Variants in STS observed in about 807,000 individuals in gnomAD.
STS encodes steroid sulfatase.
In STS, 7 loss-of-function variants were observed where a neutral mutation model predicts 26.8. That is an observed-to-expected ratio of 0.26 (90% CI 0.15 to 0.49). The LOEUF (loss-of-function observed/expected upper bound fraction) is 0.49, where lower values mean the gene tolerates loss of function less well. STS is among the 20% of genes least tolerant of loss of function. The pLI is 0.98. For missense variants in STS, 434 were observed against 465.6 expected, an observed-to-expected ratio of 0.93 and a Z score of 0.63; for synonymous variants, 199 against 189.4, an observed-to-expected ratio of 1.05 and a Z score of -0.42.
intron 2 of STS, among the ~76,000 whole-genome samples, chrX:7,207,385 A>G (rs1920958192): frequency 8.9e-6 from 1 of 112,143 alleles, no homozygotes; most frequent in African/African-American, 3.2e-5. Flanking sequence ...GATATGTGCA[A>G]GTTACAGGGA....
At chrX:7,306,716 G>A (rs1168337687) in intron 8 of STS, among the ~76,000 whole-genome samples, 1 of 111,862 alleles carries the variant, frequency 8.9e-6, no homozygotes, top group African/African-American at 3.3e-5. Flanking sequence ...AGGAATGTTT[G>A]CAAAGGAGAC....
At chrX:7,256,011 G>T (rs1027268855) in intron 3 of STS, among the ~76,000 whole-genome samples, 7 of 111,723 alleles carry the variant, frequency 6.3e-5, no homozygotes, top group Admixed American at 1.9e-4. Flanking sequence ...CAGTGAAGAA[G>T]CTGCTTGTCT....
chrX:7,147,986 C>A lies in STS; in HGVS notation c.-231C>A. 1.1e-6 allele frequency: 1 copy of A among 885,257 alleles called. No homozygotes were observed. The highest frequency in any genetic ancestry group is 4.1e-5 in the East Asian group (1 of 24,686). The allele number at this position is 885,257 out of a possible 1,213,427, so 73.0% of individuals were successfully genotyped here. A position where few individuals can be genotyped will look rare whatever the true frequency, so the allele number is the denominator to read the frequency against. On this transcript the variant is annotated 5_prime_UTR_variant, in exon 1 of 11. Transcript: ENST00000674429. ...GCGGCCCCCAGGCCGTGACGTACCC[C>A]GCGCCGACCGTCCCCACGCCCACAC...
At chrX:7,288,584 G>A (rs932102590) in intron 7 of STS, among the ~76,000 whole-genome samples, 11 of 108,717 alleles carry the variant, frequency 1.0e-4, no homozygotes, top group Non-Finnish European at 1.7e-4. Context: ...CACCCAATAT[G>A]TATATGGCTT....
At chrX:7,232,529 T>C (rs372502932) in intron 2 of STS, among the ~76,000 whole-genome samples, 20 of 111,572 alleles carry the variant, frequency 1.8e-4, no homozygotes, top group African/African-American at 6.2e-4. Flanking sequence ...AAGGTTTCCA[T>C]TAAAATTTAT....
At chrX:7,191,629 T>G (rs1371934627) in intron 2 of STS, among the ~76,000 whole-genome samples, 6 of 110,858 alleles carry the variant, frequency 5.4e-5, no homozygotes, top group African/African-American at 2.0e-4. Flanking sequence ...TCCAGGTCCC[T>G]CCCTGCAGGA....
At chrX:7,344,759 G>A (rs1199426452) in intron 10 of STS, among the ~76,000 whole-genome samples, 1 of 111,819 alleles carries the variant, frequency 8.9e-6, no homozygotes, top group Non-Finnish European at 1.9e-5. Context: ...GCCGCTGTGG[G>A]TTAGAAGCAG....
At chrX:7,237,921 G>A (rs1209896868) in intron 2 of STS, among the ~76,000 whole-genome samples, 2 of 111,159 alleles carry the variant, frequency 1.8e-5, no homozygotes, top group African/African-American at 6.6e-5. Flanking sequence ...TCCCTTATAA[G>A]TGAGAACATG....
chrX:7,290,919 C>T (rs1925384967), intron 7 of STS, among the ~76,000 whole-genome samples: 1 of 111,563 alleles, frequency 9.0e-6, no homozygotes, highest in African/African-American at 3.3e-5. Context: ...TGCATCACAG[C>T]GTCAGTTGAT....
At chrX:7,334,129 C>A in intron 10 of STS, 22 bp downstream of exon 10, 1 of 1,211,062 alleles carries the variant, frequency 8.3e-7, no homozygotes, top group Non-Finnish European at 1.1e-6. Context: ...GACCTTTCCA[C>A]GCTCCTCATG....
At chrX:7,250,104 T>A (rs1207146964) in intron 2 of STS, among the ~76,000 whole-genome samples, 1 of 109,855 alleles carries the variant, frequency 9.1e-6, no homozygotes, top group Non-Finnish European at 1.9e-5. Context: ...ATTTTTAAAT[T>A]TTTTTGTAGA....
chrX:7,226,045 TC>T (rs1242440693), intron 2 of STS, among the ~76,000 whole-genome samples: 2 of 112,097 alleles, frequency 1.8e-5, no homozygotes, highest in Non-Finnish European at 3.8e-5. Context: ...TCTTCAATGT[TC>T]CGTTTAAGTT....
chrX:7,275,936 T>TC lies in STS; in HGVS notation c.807-15_807-14insC, dbSNP rs1237746201. The TC allele has an allele frequency of 3.5e-6, 4 of 1,146,719 alleles. No homozygotes were observed. The highest frequency in any genetic ancestry group is 1.8e-5 in the African/African-American group (1 of 54,182). The allele number at this position is 1,146,719 out of a possible 1,213,427, so 94.5% of individuals were successfully genotyped here. A position where few individuals can be genotyped will look rare whatever the true frequency, so the allele number is the denominator to read the frequency against. ...TGGTCTTTTTTTTCCTCCCTTTTTT[T>TC]TTTTTTTTTTGCAGGAACACTGAGA... On this transcript the variant is annotated splice_polypyrimidine_tract_variant and intron_variant, in intron 6 of 10. Transcript: ENST00000674429.
chrX:7,294,631 T>C (rs188908292), intron 7 of STS, among the ~76,000 whole-genome samples: 1 of 112,134 alleles, frequency 8.9e-6, no homozygotes, highest in Non-Finnish European at 1.9e-5. Context: ...ATGTAATCCC[T>C]ACAACTATGC....
chrX:7,235,936 A>G (rs368189278), intron 2 of STS, among the ~76,000 whole-genome samples: 11 of 112,053 alleles, frequency 9.8e-5, no homozygotes, highest in African/African-American at 3.2e-4. Flanking sequence ...TTTGAATTAG[A>G]CAAAACATGT....
At chrX:7,176,157 A>G (rs1933566593) in intron 1 of STS, among the ~76,000 whole-genome samples, 1 of 111,602 alleles carries the variant, frequency 9.0e-6, no homozygotes, top group African/African-American at 3.3e-5. Context: ...TTGTTTTCCA[A>G]TAACTCCCTG....
At chrX:7,194,807 G>C (rs1318988027) in intron 2 of STS, among the ~76,000 whole-genome samples, 1 of 111,664 alleles carries the variant, frequency 9.0e-6, no homozygotes, top group Non-Finnish European at 1.9e-5. Flanking sequence ...CTGGATGACA[G>C]GGATACGTTC....
At chrX:7,285,809 A>G (rs1331587689) in intron 7 of STS, among the ~76,000 whole-genome samples, 1 of 112,172 alleles carries the variant, frequency 8.9e-6, no homozygotes, top group Non-Finnish European at 1.9e-5. Context: ...TAATTAAACT[A>G]CAAAAAAAAT....
chrX:7,328,585 G>A (rs1413125222), intron 9 of STS, among the ~76,000 whole-genome samples: 2 of 83,223 alleles, frequency 2.4e-5, no homozygotes, highest in Non-Finnish European at 4.5e-5. Context: ...GCAGAGTCTT[G>A]CTCATTTGCC....
Sources: allele counts gnomAD v4.1 joint callset (sites outside exome capture counted in the v4.1 genomes callset), GRCh38; gene constraint gnomAD v4.1.1; transcripts MANE v1.5; gene names NCBI Gene and HGNC (gene_info 2026-07-23, HGNC 2026-07-21).